SPAG16: variants seen among roughly 807,000 people sequenced by gnomAD.
SPAG16 encodes the protein sperm associated antigen 16.
SPAG16 carries 86 observed loss-of-function variants against 80.4 expected under a neutral mutation model. That is an observed-to-expected ratio of 1.07 (90% CI 0.90 to 1.28). SPAG16 has a LOEUF of 1.28. Among genes scored for constraint, SPAG16 ranks in the 50% most tolerant of loss-of-function variants. The pLI is 0.00. For missense variants in SPAG16, 870 were observed against 765.3 expected (o/e 1.14, Z -1.61); for synonymous variants, 294 against 265.9 (o/e 1.11, Z -1.03).
rs150570040 is a variant in SPAG16, at chr2:213,691,859, T to C, written c.1071-170626T>C. Among the ~76,000 whole-genome samples the C allele has an allele frequency of 4.3e-3, 659 of 152,344 alleles. 6 individuals are homozygous for C. Among genetic ancestry groups the C allele is most frequent in the African/African-American group, 0.015 (606 of 41,570 alleles). ...TATATCTCAGTTGTCTAGAACAGCA[T>C]GGCTAATACATAGTGGAATTTCAAT... On this transcript the variant is annotated intron_variant, in intron 10 of 15. Coordinates refer to ENST00000331683, the MANE Select transcript of SPAG16 (RefSeq NM_024532.5).
intron 15 of SPAG16, among the ~76,000 whole-genome samples, chr2:214,268,869 G>A (rs16851684): frequency 1.3e-5 from 2 of 151,812 alleles, no homozygotes; most frequent in Non-Finnish European, 1.5e-5. Context: ...TGTATAAAAC[G>A]CTTTTCCCTA....
intron 9 of SPAG16, among the ~76,000 whole-genome samples, chr2:213,484,476 C>T (rs1442105490): frequency 6.6e-5 from 10 of 151,980 alleles, no homozygotes; most frequent in Admixed American, 2.6e-4. Flanking sequence ...AGTTTGTCAG[C>T]GGGTAATGGG....
At chr2:213,336,770 C>T (rs1038175024) in intron 5 of SPAG16, among the ~76,000 whole-genome samples, 2 of 152,168 alleles carry the variant, frequency 1.3e-5, no homozygotes, top group East Asian at 1.9e-4. Flanking sequence ...GGGGCAGCTA[C>T]GGTATCATGG....
chr2:214,337,980 G>A (rs1697412196), intron 15 of SPAG16, among the ~76,000 whole-genome samples: 1 of 152,066 alleles, frequency 6.6e-6, no homozygotes, highest in African/African-American at 2.4e-5. Context: ...ACTAGTGGTA[G>A]AGATGATGAG....
At chr2:213,507,145 A>G (rs987702549) in intron 10 of SPAG16, among the ~76,000 whole-genome samples, 5 of 152,212 alleles carry the variant, frequency 3.3e-5, no homozygotes, top group African/African-American at 1.2e-4. Context: ...AGGTGGGGAT[A>G]AGTTTGAACT....
At chr2:214,151,209 TC>T (rs1320040948) in intron 15 of SPAG16, among the ~76,000 whole-genome samples, 2 of 152,030 alleles carry the variant, frequency 1.3e-5, no homozygotes, top group Non-Finnish European at 2.9e-5. Context: ...ACAAGACAAG[TC>T]CTCAATGACT....
At chr2:213,816,639 A>G (rs2072556605) in intron 10 of SPAG16, among the ~76,000 whole-genome samples, 1 of 152,080 alleles carries the variant, frequency 6.6e-6, no homozygotes. Context: ...TCCAGAACAT[A>G]TTTTATATCT....
chr2:213,797,842 G>A (rs143439287), intron 10 of SPAG16, among the ~76,000 whole-genome samples: 1 of 152,346 alleles, frequency 6.6e-6, no homozygotes, highest in East Asian at 1.9e-4. Flanking sequence ...ATAACTAGGA[G>A]TAGAGCTGCT....
At chr2:213,512,500 A>G (rs1031416794) in intron 10 of SPAG16, among the ~76,000 whole-genome samples, 1 of 152,188 alleles carries the variant, frequency 6.6e-6, no homozygotes, top group African/African-American at 2.4e-5. Flanking sequence ...AAGATTGAGA[A>G]CTATTGATTC....
chr2:213,519,421 TTCTCATGATAATGAATAAG>T (rs2075574106), intron 10 of SPAG16, among the ~76,000 whole-genome samples: 1 of 152,194 alleles, frequency 6.6e-6, no homozygotes, highest in Non-Finnish European at 1.5e-5. Flanking sequence ...TCCTTTGCTG[TTCTCATGATAATGAATAAG>T]TCTCATGAGA....
intron 13 of SPAG16, among the ~76,000 whole-genome samples, chr2:214,076,369 G>A (rs187550400): frequency 2.4e-4 from 37 of 152,250 alleles, no homozygotes; most frequent in Non-Finnish European, 4.0e-4. Context: ...CATCCAGAAA[G>A]ATCAGCAACA....
chr2:214,375,402 G>A lies in SPAG16; in HGVS notation c.1721-34738G>A, dbSNP rs183387842. Among the ~76,000 whole-genome samples, 7 of 152,016 alleles carry A rather than the reference G, an allele frequency of 4.6e-5. No homozygotes were observed. The East Asian group carries it at 5.8e-4, about 13-fold the overall frequency. ...AAAAATTTTTCTCTTCTATTTTTTC[G>A]TTACCTTGGCCTTCAAATTCTCAGT... On this transcript the variant is annotated intron_variant, in intron 15 of 15. Transcript: ENST00000331683.
chr2:213,913,191 C>T (rs1293203274), intron 11 of SPAG16, among the ~76,000 whole-genome samples: 1 of 151,820 alleles, frequency 6.6e-6, no homozygotes, highest in Non-Finnish European at 1.5e-5. Context: ...ACATTTTATC[C>T]ACATTGTTAT....
At chr2:213,899,939 T>C (rs2077150455) in intron 11 of SPAG16, among the ~76,000 whole-genome samples, 1 of 152,168 alleles carries the variant, frequency 6.6e-6, no homozygotes, top group Non-Finnish European at 1.5e-5. Flanking sequence ...TTCACTATCC[T>C]TGTCTTGATG....
At chr2:214,112,900 C>A (rs926508676) in intron 14 of SPAG16, among the ~76,000 whole-genome samples, 3 of 152,106 alleles carry the variant, frequency 2.0e-5, no homozygotes, top group East Asian at 1.9e-4. Context: ...TTAATTGATG[C>A]AGTTTCTTCA....
chr2:214,037,070 A>G (rs1320559555), intron 13 of SPAG16, among the ~76,000 whole-genome samples: 1 of 151,840 alleles, frequency 6.6e-6, no homozygotes, highest in Non-Finnish European at 1.5e-5. Flanking sequence ...TTCTTTATAT[A>G]TTCATGTATT....
At chr2:214,177,916 C>CATATATATATATATATAT (rs10622953) in intron 15 of SPAG16, among the ~76,000 whole-genome samples, 13 of 92,202 alleles carry the variant, frequency 1.4e-4, no homozygotes, top group Non-Finnish European at 2.7e-4. Flanking sequence ...TATATATATA[C>CATATATATATATATATAT]ATATATATAT....
intron 15 of SPAG16, among the ~76,000 whole-genome samples, chr2:214,207,216 T>C (rs2058169530): frequency 6.6e-6 from 1 of 152,188 alleles, no homozygotes; most frequent in Non-Finnish European, 1.5e-5. Context: ...GCCAGAATGC[T>C]GATTCTCAAC....
chr2:213,350,305 T>C (rs1455729533), intron 6 of SPAG16, among the ~76,000 whole-genome samples: 2 of 152,202 alleles, frequency 1.3e-5, no homozygotes, highest in Non-Finnish European at 2.9e-5. Context: ...AATAGAGAAC[T>C]AGTTAAGACG....
Sources: gnomAD v4.1 joint callset for allele counts (sites outside exome capture counted in the v4.1 genomes callset) on GRCh38, gnomAD v4.1.1 for gene constraint, MANE v1.5 for transcripts, NCBI Gene and HGNC (gene_info 2026-07-23, HGNC 2026-07-21) for gene names.